PAM: variants seen among roughly 807,000 people sequenced by gnomAD.
PAM encodes peptidylglycine alpha-amidating monooxygenase.
A neutral mutation model predicts 122.1 loss-of-function variants in PAM; 72 were observed. That is an observed-to-expected ratio of 0.59 (90% CI 0.49 to 0.72). The LOEUF (loss-of-function observed/expected upper bound fraction) is 0.72. Among genes scored for constraint, PAM ranks in the 30% least tolerant of loss-of-function variants. PAM has a pLI of 0.00. For synonymous variants in PAM, 389 were observed against 404.4 expected, an observed-to-expected ratio of 0.96 and a Z score of 0.46; for missense variants, 1,106 against 1,183.7, an observed-to-expected ratio of 0.93 and a Z score of 0.96.
In PAM at chr5:102,844,488, G is replaced by A. The variant is rs562866773; in HGVS notation, c.-373-21335G>A. 9.9e-4 allele frequency among the ~76,000 whole-genome samples: 151 copies of A among 152,038 alleles called. 1 individual carries two copies. Among genetic ancestry groups the A allele is most frequent in the African/African-American group, 3.3e-3 (137 of 41,474 alleles). On this transcript the variant is annotated intron_variant, in intron 1 of 25. Transcript: ENST00000438793. ...TTGAGACCAGCCTGGGTAACATAGC[G>A]AGACCCCCATCTCTACAAAAAATTA...
At chr5:102,881,133 C>CACACACAG (rs1790878135) in intron 3 of PAM, among the ~76,000 whole-genome samples, 1 of 150,562 alleles carries the variant, frequency 6.6e-6, no homozygotes, top group Non-Finnish European at 1.5e-5. Flanking sequence ...TATACATACA[C>CACACACAG]ACACACACAC....
intron 7 of PAM, among the ~76,000 whole-genome samples, chr5:102,933,541 G>A (rs1372700819): frequency 3.3e-5 from 5 of 152,196 alleles, no homozygotes; most frequent in African/African-American, 1.2e-4. Flanking sequence ...GTGTGCATCT[G>A]TGTATTCACA....
intron 5 of PAM, among the ~76,000 whole-genome samples, chr5:102,919,998 A>G (rs1051463683): frequency 4.6e-5 from 7 of 152,114 alleles, no homozygotes; most frequent in Non-Finnish European, 1.0e-4. Context: ...CTAGTACTTT[A>G]TGTTAAATAC....
Position 103,009,617 on chromosome 5 carries a change from A to G in PAM, c.2216-134A>G, listed in dbSNP as rs1469592121. 2.5e-4 allele frequency: 142 copies of G among 577,788 alleles called. No homozygotes were observed. In the East Asian group the frequency reaches 4.4e-3, roughly 18 times the overall value. The allele number at this position is 577,788 out of a possible 1,614,324, so 35.8% of individuals were successfully genotyped here. On this transcript the variant is annotated intron_variant, in intron 20 of 25. Transcript: ENST00000438793. ...CTCAGGAGGAGACACTAAGTATTTT[A>G]TATTCTACTTTTGTTGCCAATTGTA...
At chr5:102,966,720 T>C (rs1464771350) in intron 14 of PAM, among the ~76,000 whole-genome samples, 1 of 152,194 alleles carries the variant, frequency 6.6e-6, no homozygotes, top group Non-Finnish European at 1.5e-5. Flanking sequence ...ATCAGTTATG[T>C]TCCATGGCTC....
chr5:102,959,578 G>C (rs945078041), intron 12 of PAM, among the ~76,000 whole-genome samples: 1 of 152,058 alleles, frequency 6.6e-6, no homozygotes, highest in African/African-American at 2.4e-5. Flanking sequence ...AGATTCAAGA[G>C]AGAAAAGAAA....
At chr5:103,026,313 C>T (rs189513840) in intron 24 of PAM, among the ~76,000 whole-genome samples, 2 of 152,268 alleles carry the variant, frequency 1.3e-5, no homozygotes, top group Admixed American at 1.3e-4. Flanking sequence ...CAAGAAACAG[C>T]ATCTGATCCT....
intron 15 of PAM, among the ~76,000 whole-genome samples, chr5:102,975,798 T>C (rs1767449550): frequency 6.6e-6 from 1 of 152,164 alleles, no homozygotes; most frequent in Admixed American, 6.6e-5. Flanking sequence ...GGGAATACAA[T>C]TGTGTTCATG....
At chr5:102,811,080 T>G (rs1767774007) in intron 1 of PAM, among the ~76,000 whole-genome samples, 3 of 152,204 alleles carry the variant, frequency 2.0e-5, no homozygotes, top group Admixed American at 1.3e-4. Context: ...TAGTTGGAGT[T>G]GAGCACTTTT....
Position 102,866,492 on chromosome 5 carries a change from T to A in PAM, c.89+208T>A, listed in dbSNP as rs1785603574. On this transcript the variant is annotated intron_variant, in intron 2 of 25. Coordinates refer to ENST00000438793, the MANE Select transcript of PAM (RefSeq NM_001177306.2). Reference sequence around the variant, plus strand: ...GCAGTTCTGGCTTTCAAAACTCCAATTAGAAGTTGTGATTTCCAAAACTAA... The same window carrying A: ...GCAGTTCTGGCTTTCAAAACTCCAAATAGAAGTTGTGATTTCCAAAACTAA... 3.0e-5 allele frequency: 17 copies of A among 560,100 alleles called. No individual in the cohort carries two copies. In the South Asian group the frequency reaches 3.8e-4, roughly 12 times the overall value. 34.7% of individuals were successfully genotyped at this position (560,100 alleles called of 1,614,324 possible).
intron 8 of PAM, 136 bp downstream of exon 8, chr5:102,947,021 T>G: frequency 1.4e-6 from 1 of 695,838 alleles, no homozygotes; most frequent in South Asian, 1.5e-5. Flanking sequence ...ATGTATTGTC[T>G]CATTTTCCTG....
At chr5:102,879,563 A>T (rs796751905) in intron 3 of PAM, among the ~76,000 whole-genome samples, 5 of 150,922 alleles carry the variant, frequency 3.3e-5, no homozygotes, top group African/African-American at 1.2e-4. Context: ...AGTGTGTAGT[A>T]CCTCCCCCTT....
intron 1 of PAM, among the ~76,000 whole-genome samples, chr5:102,826,400 T>C (rs886609413): frequency 6.6e-6 from 1 of 152,220 alleles, no homozygotes. Context: ...GTTTATAATT[T>C]GCTATCGCTA....
At chr5:102,848,974 A>G (rs1263212051) in intron 1 of PAM, among the ~76,000 whole-genome samples, 16 of 152,220 alleles carry the variant, frequency 1.1e-4, no homozygotes. Context: ...GGGCACATCA[A>G]TAAAAGTTCA....
chr5:102,901,755 G>T (rs1219958505), intron 4 of PAM, among the ~76,000 whole-genome samples: 3 of 151,474 alleles, frequency 2.0e-5, no homozygotes, highest in African/African-American at 7.3e-5. Flanking sequence ...TTACCTGCTG[G>T]TTCATGCTAT....
chr5:102,984,623 T>C (rs188899198), intron 15 of PAM, among the ~76,000 whole-genome samples: 2 of 152,274 alleles, frequency 1.3e-5, no homozygotes, highest in South Asian at 2.1e-4. Flanking sequence ...AAGGGTGAGA[T>C]AGACTCCAAC....
Position 103,029,102 on chromosome 5 carries a change from CAG to C in PAM, c.*39_*40del. 6.6e-7 allele frequency: 1 copy of C among 1,524,430 alleles called. No homozygotes were observed. Among genetic ancestry groups the C allele is most frequent in the Non-Finnish European group, 8.9e-7 (1 of 1,117,730 alleles). The allele number at this position is 1,524,430 out of a possible 1,614,324, so 94.4% of individuals were successfully genotyped here. A position where few individuals can be genotyped will look rare whatever the true frequency, so the allele number is the denominator to read the frequency against. On this transcript the variant is annotated 3_prime_UTR_variant, in exon 26 of 26. Transcript: ENST00000438793. ...TGATTTAGATTGAGTAAGATTTACC[CAG>C]AATGTCAGATTCCTTTCCCTTTAGC...
intron 1 of PAM, among the ~76,000 whole-genome samples, chr5:102,834,202 A>G (rs146003867): frequency 0.011 from 1,673 of 152,254 alleles, 4 homozygotes; most frequent in Non-Finnish European, 0.017. Context: ...GAAAAATTCT[A>G]CTTTTGTTCC....
intron 1 of PAM, among the ~76,000 whole-genome samples, chr5:102,860,044 C>T (rs1472082590): frequency 6.6e-6 from 1 of 152,170 alleles, no homozygotes; most frequent in Non-Finnish European, 1.5e-5. Context: ...TTTTAAGTGA[C>T]ACACGACTCT....
Sources: gnomAD v4.1 joint callset for allele counts (sites outside exome capture counted in the v4.1 genomes callset) on GRCh38, gnomAD v4.1.1 for gene constraint, MANE v1.5 for transcripts, NCBI Gene and HGNC (gene_info 2026-07-23, HGNC 2026-07-21) for gene names.